Variants in BPIFB4 observed in about 807,000 individuals in gnomAD.
BPIFB4 encodes BPI fold-containing family B member 4.
A neutral mutation model predicts 69.2 loss-of-function variants in BPIFB4; 62 were observed. That is an observed-to-expected ratio of 0.90 (90% CI 0.73 to 1.11). The LOEUF is 1.11. Ranked by LOEUF, BPIFB4 falls within the 50% of genes least tolerant of loss-of-function variation. The pLI, the probability that BPIFB4 is intolerant of heterozygous loss-of-function variation, is 0.00. For missense variants in BPIFB4, 789 were observed against 792.0 expected (o/e 1.00, Z 0.04); for synonymous variants, 330 against 332.7 (o/e 0.99, Z 0.09).
chr20:33,085,085 C>G, intron 6 of BPIFB4, 89 bp downstream of exon 6: 2 of 1,519,040 alleles, frequency 1.3e-6, no homozygotes, highest in South Asian at 2.5e-5. Flanking sequence ...ACCTAAACTT[C>G]TGCCAGTGCA....
At chr20:33,087,594 A>G (rs937192028) in intron 7 of BPIFB4, among the ~76,000 whole-genome samples, 4 of 152,180 alleles carry the variant, frequency 2.6e-5, no homozygotes, top group Non-Finnish European at 5.9e-5. Flanking sequence ...GTAAGGTCAC[A>G]ATGAATAACC....
At chr20:33,081,115 T>C (rs1981215682) in intron 2 of BPIFB4, among the ~76,000 whole-genome samples, 1 of 152,060 alleles carries the variant, frequency 6.6e-6, no homozygotes, top group Non-Finnish European at 1.5e-5. Context: ...GGGTGAGTGA[T>C]GTAGAGGAAT....
intron 4 of BPIFB4, 76 bp downstream of exon 4, chr20:33,083,076 G>A (rs1175809848): frequency 9.4e-6 from 13 of 1,381,966 alleles, no homozygotes; most frequent in Admixed American, 5.2e-5. Context: ...GGTGGTGGGG[G>A]AGGTGGTCTC....
intron 16 of BPIFB4, among the ~76,000 whole-genome samples, chr20:33,107,231 AAGG>A (rs1982087556): frequency 6.8e-6 from 1 of 146,482 alleles, no homozygotes; most frequent in Non-Finnish European, 1.5e-5. Flanking sequence ...AGAAGGAAGG[AAGG>A]AAGGAAAGAA....
In BPIFB4 at chr20:33,101,076, C is replaced by T. The variant is rs532440927; in HGVS notation, c.1637+583C>T. Among the ~76,000 whole-genome samples the T allele has an allele frequency of 5.9e-5, 9 of 151,744 alleles. No individual in the cohort carries two copies. The East Asian group carries it at 1.2e-3, about 20-fold the overall frequency. On this transcript the variant is annotated intron_variant, in intron 14 of 17. Transcript: ENST00000375483. ...ACAGTGATGATGATGAGGAGGAGGA[C>T]GAGGAGGAGGAGGAGGATGCTGGTG...
chr20:33,091,560 C>T (rs1021195442), intron 10 of BPIFB4, among the ~76,000 whole-genome samples: 2 of 152,260 alleles, frequency 1.3e-5, no homozygotes, highest in South Asian at 2.1e-4. Context: ...TCCGTGCTCC[C>T]GTGTATACAG....
intron 13 of BPIFB4, among the ~76,000 whole-genome samples, chr20:33,098,806 A>C: frequency 6.6e-6 from 1 of 151,902 alleles, no homozygotes. Context: ...TCTGAAATAA[A>C]AGCCCATCTC....
chr20:33,080,285 A>T (rs1444815764), intron 1 of BPIFB4, among the ~76,000 whole-genome samples, 184 bp from the exon 2 acceptor site: 1 of 152,194 alleles, frequency 6.6e-6, no homozygotes, highest in Non-Finnish European at 1.5e-5. Flanking sequence ...CTTGGCTCAG[A>T]TGAGAGGCCA....
chr20:33,083,112 G>A (rs1160993576), intron 4 of BPIFB4, 112 bp downstream of exon 4: 5 of 911,870 alleles, frequency 5.5e-6, no homozygotes, highest in Non-Finnish European at 8.3e-6. Context: ...GGTGGTGGGG[G>A]TGGAGGGGGT....
At chr20:33,101,627 C>T (rs921682149) in intron 14 of BPIFB4, among the ~76,000 whole-genome samples, 15 of 152,172 alleles carry the variant, frequency 9.9e-5, no homozygotes, top group Non-Finnish European at 1.3e-4. Flanking sequence ...CTCACTGCAG[C>T]CTTGACCTCC....
At chr20:33,101,511 C>T (rs145657630) in intron 14 of BPIFB4, among the ~76,000 whole-genome samples, 7 of 152,156 alleles carry the variant, frequency 4.6e-5, no homozygotes, top group Admixed American at 1.3e-4. Context: ...TTTCCGTGTG[C>T]CAGGTATTTG....
chr20:33,086,116 A>T lies in BPIFB4; in HGVS notation c.878A>T (p.Glu293Val). The change falls in exon 7 of 18, where the codon GAG becomes GTG. Residue 293 changes from glutamate (E) to valine (V), a missense_variant. Physicochemically the swap from Glu to Val is moderately radical, Grantham distance 121 (BLOSUM62 -2). Transcript: ENST00000375483. ...DRTGYPRLVI[E>V]RCDTLLGGIK... ...ACGGGTTATCCTCGGCTGGTCATTG[A>T]GCGATGTGACACCCTCCTAGGGGGC... 2 of 1,613,312 alleles carry T rather than the reference A, an allele frequency of 1.2e-6. No individual in the cohort carries two copies. Among genetic ancestry groups the T allele is most frequent in the South Asian group, 2.2e-5 (2 of 91,072 alleles).
At chr20:33,107,529 G>T (rs2146417400) in intron 16 of BPIFB4, among the ~76,000 whole-genome samples, 1 of 152,234 alleles carries the variant, frequency 6.6e-6, no homozygotes, top group South Asian at 2.1e-4. Context: ...CCAGCTACTT[G>T]GGAGGCTGAG....
In BPIFB4 at chr20:33,092,503, G is replaced by T. The variant is rs544445188; in HGVS notation, c.1189G>T (p.Gly397Trp). 6.2e-7 allele frequency: 1 copy of T among 1,614,140 alleles called. No individual in the cohort carries two copies. Among genetic ancestry groups the T allele is most frequent in the Admixed American group, 1.7e-5 (1 of 60,024 alleles). ...AGGGLIDYPL[G>W]WPAVSPKPMP... The stretch of plus-strand genomic sequence containing the variant: ...AGGAGGACTCATCGACTACCCATTG[G>T]GGTGGCCAGCTGTGTCTCCCAAGCC... Residue 397 changes from glycine (G) to tryptophan (W), a missense_variant, in exon 11 of 18, where the codon GGG becomes TGG. Physicochemically the swap from Gly to Trp is radical, Grantham distance 184 (BLOSUM62 -2). Transcript: ENST00000375483.
chr20:33,081,669 G>T, intron 3 of BPIFB4, 37 bp downstream of exon 3: 1 of 1,549,844 alleles, frequency 6.5e-7, no homozygotes, highest in South Asian at 1.2e-5. Flanking sequence ...GTTGGCATGG[G>T]GTGAGCAGGG....
Position 33,081,608 on chromosome 20 carries a change from G to A in BPIFB4, c.82G>A (p.Val28Met), listed in dbSNP as rs1185153253. ...TSHETNTVLR[V>M]TKDVLSNAIS... ...CCACGAGACAAACACGGTCCTCAGG[G>A]TGACGAAAGATGTGTTGAGCAATGG... Residue 28 changes from valine to methionine, a missense_variant, in exon 3 of 18, where the codon GTG (valine) becomes ATG (methionine). By Grantham distance (21) the Val-to-Met change is conservative (BLOSUM62 1). Around this residue, in one of 3 missense-constraint regions of BPIFB4, gnomAD observed 611 missense variants for 575.4 expected, o/e 1.06. Transcript: ENST00000375483. 6.4e-7 allele frequency: 1 copy of A among 1,551,736 alleles called. No individual in the cohort carries two copies. Among genetic ancestry groups the A allele is most frequent in the South Asian group, 1.2e-5 (1 of 84,064 alleles).
At chr20:33,083,911 T>C (rs1569000197) in intron 5 of BPIFB4, 37 bp downstream of exon 5, 1 of 1,558,738 alleles carries the variant, frequency 6.4e-7, no homozygotes, top group Non-Finnish European at 8.7e-7. Context: ...AAAGCCCCCA[T>C]ACACCTCCAA....
intron 17 of BPIFB4, among the ~76,000 whole-genome samples, chr20:33,110,919 G>A (rs1233256167): frequency 6.7e-6 from 1 of 149,726 alleles, no homozygotes; most frequent in Admixed American, 6.7e-5. Context: ...GGGTTTAAGT[G>A]ATTCTTGTGC....
At chr20:33,094,738 T>TCCAC (rs1981708714) in intron 11 of BPIFB4, among the ~76,000 whole-genome samples, 1 of 152,096 alleles carries the variant, frequency 6.6e-6, no homozygotes, top group Admixed American at 6.5e-5. Context: ...AAACTCCTGA[T>TCCAC]CTGAAGTGAT....
Sources: gnomAD v4.1 joint callset for allele counts (sites outside exome capture counted in the v4.1 genomes callset) on GRCh38, gnomAD v4.1.1 for gene constraint, gnomAD v4.1.1 regional missense constraint, MANE v1.5 for transcripts, NCBI Gene and HGNC (gene_info 2026-07-23, HGNC 2026-07-21) for gene names.